Variants in PRKN observed in about 807,000 individuals in gnomAD.
The protein encoded by PRKN is parkin RBR E3 ubiquitin protein ligase, also known as E3 ubiquitin-protein ligase parkin.
Under a neutral mutation model 59.5 loss-of-function variants are expected in PRKN, and 56 were observed. That is an observed-to-expected ratio of 0.94 (90% CI 0.76 to 1.18). The LOEUF is 1.18. PRKN is among the 50% of genes most tolerant of loss of function. The probability of loss-of-function intolerance (pLI) is 0.00; values close to 1 mark genes in which losing one functional copy is unlikely to be tolerated. For missense variants in PRKN, 657 were observed against 596.4 expected, an observed-to-expected ratio of 1.10 and a Z score of -1.06; for synonymous variants, 250 against 222.1, an observed-to-expected ratio of 1.13 and a Z score of -1.12.
At chr6:162,520,213 C>A (rs67303732) in intron 1 of PRKN, among the ~76,000 whole-genome samples, 2 of 152,076 alleles carry the variant, frequency 1.3e-5, no homozygotes, top group Non-Finnish European at 2.9e-5. Context: ...TCTAAGACAT[C>A]TACACTATGG....
rs1464245018 is a variant in PRKN, at chr6:161,393,125, G to A, written c.1084-6248C>T. Among the ~76,000 whole-genome samples the A allele has an allele frequency of 6.6e-6, 1 of 152,046 alleles. No individual in the cohort carries two copies. Among genetic ancestry groups the A allele is most frequent in the Admixed American group, 6.5e-5 (1 of 15,280 alleles). On this transcript the variant is annotated intron_variant, in intron 9 of 11. Transcript: ENST00000366898. This position sits in a 1 kb window ranked among gnomAD's most constrained non-coding sequence, Gnocchi z 4.7. The stretch of plus-strand genomic sequence containing the variant: ...GCTTGAGCTTTTTTGCATCTACAAA[G>A]AAGAAATAATAAGATAAAGAATATT...
chr6:161,550,890 G>A lies in PRKN; in HGVS notation c.934-1887C>T, dbSNP rs555969011. ...AAGTGTAGTTTAGGAGAAAGGCATG[G>A]GTCCTGGGTACAAATTTTGAAGTCA... On this transcript the variant is annotated intron_variant, in intron 8 of 11. Coordinates refer to ENST00000366898, the MANE Select transcript of PRKN (RefSeq NM_004562.3). The surrounding 1 kb of genome is among the most constrained non-coding windows in gnomAD (Gnocchi z 4.0). Among the ~76,000 whole-genome samples, 1 of 152,162 alleles carries A rather than the reference G, an allele frequency of 6.6e-6. No individual in the cohort carries two copies. The highest frequency in any genetic ancestry group is 6.6e-5 in the Admixed American group (1 of 15,254).
chr6:162,645,126 T>C (rs941670697), intron 1 of PRKN, among the ~76,000 whole-genome samples: 1 of 152,220 alleles, frequency 6.6e-6, no homozygotes, highest in Non-Finnish European at 1.5e-5. Context: ...ATTGTCCATA[T>C]TAAAATGGCT....
chr6:162,024,703 T>A (rs1426418958), intron 5 of PRKN, among the ~76,000 whole-genome samples: 1 of 152,174 alleles, frequency 6.6e-6, no homozygotes, highest in East Asian at 1.9e-4. Flanking sequence ...TAAAACCACA[T>A]AGATGCTTCA....
Position 161,460,227 on chromosome 6 carries a change from G to C in PRKN, c.1084-73350C>G, listed in dbSNP as rs1244927966. ...CGTGTTATTTTAGGATGTCACAGAG[G>C]TTGCAACAAAAGATTATTTTATTTA... On this transcript the variant is annotated intron_variant, in intron 9 of 11. Transcript: ENST00000366898. This position sits in a 1 kb window ranked among gnomAD's most constrained non-coding sequence, Gnocchi z 5.0. Among the ~76,000 whole-genome samples the C allele has an allele frequency of 6.6e-6, 1 of 152,160 alleles. No homozygotes were observed. Among genetic ancestry groups the C allele is most frequent in the African/African-American group, 2.4e-5 (1 of 41,430 alleles).
chr6:162,263,182 C>CA (rs1779970603), intron 2 of PRKN: 1 of 254,056 alleles, frequency 3.9e-6, no homozygotes, highest in African/African-American at 2.3e-5. Context: ...CGGGTTCAAG[C>CA]AATTCTCCTG....
chr6:162,700,347 T>G (rs768818846), intron 1 of PRKN, among the ~76,000 whole-genome samples: 3 of 152,176 alleles, frequency 2.0e-5, no homozygotes, highest in Admixed American at 6.5e-5. Flanking sequence ...AGAAAAGAGA[T>G]GAGGAGCTAT....
At chr6:162,253,053 T>G (rs1343989494) in intron 3 of PRKN, among the ~76,000 whole-genome samples, 1 of 152,218 alleles carries the variant, frequency 6.6e-6, no homozygotes, top group Non-Finnish European at 1.5e-5. Context: ...CGTGTGCTAT[T>G]CTGGTGGCCA....
chr6:162,340,438 G>A (rs1318479648), intron 2 of PRKN, among the ~76,000 whole-genome samples: 1 of 152,186 alleles, frequency 6.6e-6, no homozygotes, highest in Admixed American at 6.5e-5. Flanking sequence ...GAATACCAAT[G>A]TCTAGACATT....
chr6:161,808,482 C>T (rs191150050), intron 6 of PRKN, among the ~76,000 whole-genome samples: 5 of 152,104 alleles, frequency 3.3e-5, no homozygotes, highest in Admixed American at 2.0e-4. Flanking sequence ...TAATGAATAA[C>T]GTGTGTGTGT....
At chr6:161,650,647 G>A (rs1026252728) in intron 7 of PRKN, among the ~76,000 whole-genome samples, 5 of 152,036 alleles carry the variant, frequency 3.3e-5, no homozygotes, top group African/African-American at 1.2e-4. Flanking sequence ...TTTGGTACTC[G>A]GCCTTTCAAT....
At chr6:161,733,819 T>C (rs1787849064) in intron 7 of PRKN, among the ~76,000 whole-genome samples, 1 of 143,926 alleles carries the variant, frequency 6.9e-6, no homozygotes, top group African/African-American at 2.5e-5. Context: ...TATATATATA[T>C]ATGTATTCCA....
intron 6 of PRKN, among the ~76,000 whole-genome samples, chr6:161,902,871 T>C (rs1315160564): frequency 6.6e-6 from 1 of 152,134 alleles, no homozygotes; most frequent in African/African-American, 2.4e-5. Flanking sequence ...TATGTATTTC[T>C]TACATAGGAC....
At chr6:162,492,974 AAAAG>A (rs1405268625) in intron 1 of PRKN, among the ~76,000 whole-genome samples, 25 of 151,550 alleles carry the variant, frequency 1.6e-4, no homozygotes, top group Non-Finnish European at 1.2e-4. Flanking sequence ...AAAAAAAAAA[AAAAG>A]AAGCAGAAGA....
At chr6:162,361,108 C>A (rs1185607319) in intron 2 of PRKN, among the ~76,000 whole-genome samples, 1 of 152,116 alleles carries the variant, frequency 6.6e-6, no homozygotes, top group East Asian at 1.9e-4. Flanking sequence ...ATCTTCTTAG[C>A]TGGGAAGACA....
At chr6:162,110,612 G>A (rs1161264539) in intron 4 of PRKN, among the ~76,000 whole-genome samples, 5 of 152,136 alleles carry the variant, frequency 3.3e-5, no homozygotes, top group African/African-American at 7.2e-5. Context: ...TAAAAAGACC[G>A]TTGAAGAATA....
intron 3 of PRKN, among the ~76,000 whole-genome samples, chr6:162,215,912 G>A (rs921702767): frequency 2.0e-5 from 3 of 152,068 alleles, no homozygotes; most frequent in Non-Finnish European, 2.9e-5. Context: ...GCATGGTGGT[G>A]CATGCCTGTA....
intron 1 of PRKN, among the ~76,000 whole-genome samples, chr6:162,559,271 C>CA (rs34978987): frequency 0.31 from 46,658 of 151,682 alleles, 7,610 homozygotes; most frequent in East Asian, 0.49. Context: ...GTAAATAATA[C>CA]TATGACACAG....
intron 1 of PRKN, among the ~76,000 whole-genome samples, chr6:162,676,710 G>A (rs1181523820): frequency 3.9e-5 from 6 of 152,144 alleles, no homozygotes. Flanking sequence ...GTGAGGCTGA[G>A]ATATGTTTTT....
Sources: gnomAD v4.1 joint callset for allele counts (sites outside exome capture counted in the v4.1 genomes callset) on GRCh38, gnomAD v4.1.1 for gene constraint, Gnocchi (gnomAD v3.1) non-coding constraint, MANE v1.5 for transcripts, NCBI Gene and HGNC (gene_info 2026-07-23, HGNC 2026-07-21) for gene names.